Variants in SEMA3E observed in about 807,000 individuals in gnomAD.
SEMA3E encodes semaphorin 3E.
Under a neutral mutation model 93.6 loss-of-function variants are expected in SEMA3E, and 49 were observed. The ratio of observed to expected loss-of-function variants is 0.52; its 90% confidence interval spans 0.42 to 0.66. The LOEUF (loss-of-function observed/expected upper bound fraction) is 0.66. SEMA3E is among the 30% of genes least tolerant of loss of function. The probability of loss-of-function intolerance (pLI) is 0.00; values close to 1 mark genes in which losing one functional copy is unlikely to be tolerated. For missense variants in SEMA3E, 906 were observed against 964.8 expected (o/e 0.94, Z 0.81); for synonymous variants, 363 against 330.7 (o/e 1.10, Z -1.06).
chr7:83,617,007 A>AATCCC (rs1793384057), intron 1 of SEMA3E, among the ~76,000 whole-genome samples: 5 of 152,166 alleles, frequency 3.3e-5, no homozygotes, highest in African/African-American at 1.2e-4. Flanking sequence ...TTACAGGCGT[A>AATCCC]AGCCACCGTG....
At chr7:83,593,108 A>T (rs1792786597) in intron 1 of SEMA3E, among the ~76,000 whole-genome samples, 2 of 152,126 alleles carry the variant, frequency 1.3e-5, no homozygotes, top group African/African-American at 4.8e-5. Context: ...GGGATCCACC[A>T]CAACTGGACA....
intron 1 of SEMA3E, among the ~76,000 whole-genome samples, chr7:83,524,659 CT>C (rs1237005981): frequency 1.3e-5 from 2 of 151,902 alleles, no homozygotes; most frequent in Non-Finnish European, 2.9e-5. Context: ...TGGCTTTTTC[CT>C]TCTTTCTGAT....
chr7:83,618,424 C>T (rs1371984089), intron 1 of SEMA3E, among the ~76,000 whole-genome samples: 2 of 151,878 alleles, frequency 1.3e-5, no homozygotes, highest in African/African-American at 4.8e-5. Context: ...CATTTTATAG[C>T]TACTACTTCA....
At chr7:83,429,509 T>C (rs1184632587) in intron 4 of SEMA3E, among the ~76,000 whole-genome samples, 1 of 152,196 alleles carries the variant, frequency 6.6e-6, no homozygotes. Flanking sequence ...CTTATGTTTT[T>C]CTGAAGCCTG....
At chr7:83,444,629 GCAATCAT>G (rs892411515) in intron 4 of SEMA3E, among the ~76,000 whole-genome samples, 3 of 151,246 alleles carry the variant, frequency 2.0e-5, no homozygotes, top group African/African-American at 7.3e-5. Context: ...AAGAATTCCT[GCAATCAT>G]CAACATTTAA....
At chr7:83,613,942 A>G (rs933577529) in intron 1 of SEMA3E, among the ~76,000 whole-genome samples, 4 of 152,102 alleles carry the variant, frequency 2.6e-5, no homozygotes, top group Admixed American at 6.6e-5. Flanking sequence ...ACAAAACAAT[A>G]TTCATACATA....
intron 4 of SEMA3E, among the ~76,000 whole-genome samples, chr7:83,420,853 C>CAT (rs879420852): frequency 2.1e-5 from 3 of 144,898 alleles, no homozygotes; most frequent in Non-Finnish European, 1.6e-5. Flanking sequence ...AATATAAGAC[C>CAT]TCTAACTATA....
At chr7:83,423,974 T>C (rs573837121) in intron 4 of SEMA3E, among the ~76,000 whole-genome samples, 45 of 152,340 alleles carry the variant, frequency 3.0e-4, no homozygotes, top group African/African-American at 1.0e-3. Context: ...GTATGTTTTT[T>C]GCAGATTATA....
chr7:83,476,679 A>T (rs1790017609), intron 2 of SEMA3E, among the ~76,000 whole-genome samples: 1 of 152,206 alleles, frequency 6.6e-6, no homozygotes. Context: ...TGTTCTGCCA[A>T]GCTAGTAAGG....
intron 2 of SEMA3E, among the ~76,000 whole-genome samples, chr7:83,476,156 C>T (rs907141857): frequency 1.8e-4 from 27 of 152,190 alleles, no homozygotes; most frequent in Non-Finnish European, 3.4e-4. Flanking sequence ...TGCTTTTCAA[C>T]GTCCATTGAT....
chr7:83,458,044 T>C (rs1435493186), intron 4 of SEMA3E, among the ~76,000 whole-genome samples: 3 of 151,660 alleles, frequency 2.0e-5, no homozygotes, highest in Admixed American at 1.3e-4. Flanking sequence ...GTGACATATA[T>C]ATATATAATT....
At chr7:83,426,066 A>G (rs10255023) in intron 4 of SEMA3E, among the ~76,000 whole-genome samples, 2,091 of 152,284 alleles carry the variant, frequency 0.014, 50 homozygotes, top group African/African-American at 0.047. Flanking sequence ...TAAAAAGTCA[A>G]TAAATAATAG....
At chr7:83,639,870 C>T (rs1243678165) in intron 1 of SEMA3E, among the ~76,000 whole-genome samples, 1 of 151,726 alleles carries the variant, frequency 6.6e-6, no homozygotes, top group Non-Finnish European at 1.5e-5. Flanking sequence ...TTTGGAGAAA[C>T]ACTTCTGAAG....
At chr7:83,444,753 C>G (rs970241217) in intron 4 of SEMA3E, among the ~76,000 whole-genome samples, 4 of 149,078 alleles carry the variant, frequency 2.7e-5, no homozygotes, top group African/African-American at 9.8e-5. Context: ...TCACTGCAAA[C>G]TCCGCCTCCG....
At chr7:83,554,262 C>A (rs1009467431) in intron 1 of SEMA3E, among the ~76,000 whole-genome samples, 39 of 152,076 alleles carry the variant, frequency 2.6e-4, no homozygotes, top group African/African-American at 8.7e-4. Flanking sequence ...AATTGGTATA[C>A]AAAATCCATA....
At chr7:83,407,520 G>T (rs1223923064) in intron 6 of SEMA3E, among the ~76,000 whole-genome samples, 1 of 152,020 alleles carries the variant, frequency 6.6e-6, no homozygotes, top group African/African-American at 2.4e-5. Context: ...CATGCAATGC[G>T]AACTTAAAAT....
intron 1 of SEMA3E, among the ~76,000 whole-genome samples, chr7:83,613,810 G>A (rs546529024): frequency 3.3e-5 from 5 of 151,894 alleles, no homozygotes; most frequent in African/African-American, 9.6e-5. Context: ...TACATATTTC[G>A]TCTTAGTTTC....
chr7:83,606,791 A>G (rs1793131844), intron 1 of SEMA3E, among the ~76,000 whole-genome samples: 1 of 150,372 alleles, frequency 6.7e-6, no homozygotes. Context: ...AAAAAAAATC[A>G]GATTTGAAAT....
chr7:83,604,591 ATACACACACACATATATATATG>A (rs1294047573), intron 1 of SEMA3E, among the ~76,000 whole-genome samples: 1 of 151,450 alleles, frequency 6.6e-6, no homozygotes, highest in Admixed American at 6.6e-5. Flanking sequence ...ATATATATAT[ATACACACACACATATATATATG>A]TACACACACA....
Sources: gnomAD v4.1 joint callset for allele counts (sites outside exome capture counted in the v4.1 genomes callset) on GRCh38, gnomAD v4.1.1 for gene constraint, MANE v1.5 for transcripts, NCBI Gene and HGNC (gene_info 2026-07-23, HGNC 2026-07-21) for gene names.